FBXO28: variants seen among roughly 807,000 people sequenced by gnomAD.
FBXO28 encodes F-box protein 28.
A neutral mutation model predicts 38.1 loss-of-function variants in FBXO28; 8 were observed. The ratio of observed to expected loss-of-function variants is 0.21; its 90% CI spans 0.12 to 0.38. The LOEUF (loss-of-function observed/expected upper bound fraction) is 0.38. Among genes scored for constraint, FBXO28 ranks in the 10% least tolerant of loss-of-function variants. FBXO28 has a pLI of 1.00. For missense variants in FBXO28, 345 were observed against 460.6 expected, an observed-to-expected ratio of 0.75 and a Z score of 2.30; for synonymous variants, 168 against 173.8, an observed-to-expected ratio of 0.97 and a Z score of 0.26.
intron 1 of FBXO28, among the ~76,000 whole-genome samples, chr1:224,116,137 G>T (rs1656638897): frequency 6.6e-6 from 1 of 152,124 alleles, no homozygotes. Flanking sequence ...AAAAGATTCT[G>T]CCCCGTTTTA....
At chr1:224,115,963 A>T (rs2102605921) in intron 1 of FBXO28, among the ~76,000 whole-genome samples, 1 of 152,322 alleles carries the variant, frequency 6.6e-6, no homozygotes, top group East Asian at 1.9e-4. Flanking sequence ...TAGAGTTAAA[A>T]CACATCCCAC....
chr1:224,144,153 CAAAA>C (rs34850766), intron 3 of FBXO28, among the ~76,000 whole-genome samples: 1 of 137,018 alleles, frequency 7.3e-6, no homozygotes, highest in Non-Finnish European at 1.5e-5. Context: ...AACTATGTCT[CAAAA>C]AAAAAAAAAA....
At chr1:224,153,002 C>A in intron 3 of FBXO28, 140 bp from the exon 4 acceptor site, 1 of 504,310 alleles carries the variant, frequency 2.0e-6, no homozygotes, top group East Asian at 3.9e-5. Flanking sequence ...CAATATTCAT[C>A]AGTGGCCAGT....
intron 1 of FBXO28, among the ~76,000 whole-genome samples, chr1:224,118,351 C>T (rs771372826): frequency 1.3e-4 from 19 of 151,960 alleles, no homozygotes; most frequent in African/African-American, 2.7e-4. Flanking sequence ...TTTTACCTGC[C>T]CTACAGGAGG....
chr1:224,135,496 C>T (rs994952343), intron 3 of FBXO28, among the ~76,000 whole-genome samples: 1 of 150,990 alleles, frequency 6.6e-6, no homozygotes, highest in Non-Finnish European at 1.5e-5. Flanking sequence ...CCTCTAATCC[C>T]AGATACTTGC....
intron 3 of FBXO28, 149 bp downstream of exon 3, chr1:224,134,361 AAT>A (rs1363266301): frequency 3.4e-6 from 2 of 587,204 alleles, no homozygotes; most frequent in Non-Finnish European, 5.6e-6. Context: ...TACAGTTATA[AAT>A]ATGTATCATT....
chr1:224,143,398 G>A (rs910409839), intron 3 of FBXO28, among the ~76,000 whole-genome samples: 13 of 152,192 alleles, frequency 8.5e-5, no homozygotes, highest in Admixed American at 3.3e-4. Flanking sequence ...GTCCCAGTCT[G>A]AGTGAGTGTG....
intron 3 of FBXO28, among the ~76,000 whole-genome samples, chr1:224,136,110 T>TTTTTTG (rs1572014936): frequency 1.5e-5 from 2 of 130,534 alleles, no homozygotes; most frequent in African/African-American, 5.8e-5. Context: ...AGTTTTTTTT[T>TTTTTTG]TTTTTTTTTT....
Position 224,139,764 on chromosome 1 carries a change from G to GCATGCATGCATACATACATACATA in FBXO28, c.516+5555_516+5556insGCATGCATACATACATACATACAT, listed in dbSNP as rs1386239166. On this transcript the variant is annotated intron_variant, in intron 3 of 4. Coordinates refer to ENST00000366862, the MANE Select transcript of FBXO28 (RefSeq NM_015176.4). ...GAAATAAATACATACATGCATGCAT[G>GCATGCATGCATACATACATACATA]CATACATACATACATACATACATAC... Among the ~76,000 whole-genome samples, 242 of 146,044 alleles carry GCATGCATGCATACATACATACATA rather than the reference G, an allele frequency of 1.7e-3. 3 individuals are homozygous for GCATGCATGCATACATACATACATA. Among genetic ancestry groups the GCATGCATGCATACATACATACATA allele is most frequent in the African/African-American group, 3.0e-3 (116 of 38,756 alleles).
chr1:224,144,040 A>C (rs1299142977), intron 3 of FBXO28, among the ~76,000 whole-genome samples: 1 of 151,290 alleles, frequency 6.6e-6, no homozygotes, highest in East Asian at 1.9e-4. Context: ...AATCCCAGCT[A>C]CTCGGGAGGT....
intron 3 of FBXO28, among the ~76,000 whole-genome samples, chr1:224,150,660 C>T (rs1327090537): frequency 6.6e-6 from 1 of 152,090 alleles, no homozygotes; most frequent in Non-Finnish European, 1.5e-5. Flanking sequence ...ACCTTGGGGC[C>T]ACTATCATTA....
chr1:224,141,486 A>C (rs1429081174), intron 3 of FBXO28, among the ~76,000 whole-genome samples: 3 of 147,202 alleles, frequency 2.0e-5, no homozygotes, highest in Non-Finnish European at 4.5e-5. Flanking sequence ...AAAAAAAAAA[A>C]GATGCAATCA....
In FBXO28 at chr1:224,157,407, T is replaced by G. The variant is rs115866173; in HGVS notation, c.768T>G (p.Pro256=). The G allele has an allele frequency of 3.6e-4, 587 of 1,614,162 alleles. 2 individuals are homozygous for G. The African/African-American group carries it at 7.1e-3, about 20-fold the overall frequency. The change falls in exon 5 of 5, where the codon CCT becomes CCG. Residue 256 remains proline, a synonymous_variant. Transcript: ENST00000366862. The stretch of plus-strand genomic sequence containing the variant: ...TGCAGCTCTTCTCCAAGCAAAATCC[T>G]TCAAGACAAGAGGTTACCAAACTCC... ...TTMQLFSKQN[P]SRQEVTKLQQ...
At chr1:224,141,618 A>G (rs533950670) in intron 3 of FBXO28, among the ~76,000 whole-genome samples, 46 of 152,316 alleles carry the variant, frequency 3.0e-4, no homozygotes, top group African/African-American at 1.0e-3. Context: ...CATAGGCTAT[A>G]TGGTATAGTC....
chr1:224,118,236 C>T (rs1351153939), intron 1 of FBXO28, among the ~76,000 whole-genome samples: 1 of 151,614 alleles, frequency 6.6e-6, no homozygotes, highest in Non-Finnish European at 1.5e-5. Flanking sequence ...CAGACGTGAG[C>T]CACTGCACAG....
At chr1:224,137,512 ACT>A (rs926606605) in intron 3 of FBXO28, among the ~76,000 whole-genome samples, 13 of 151,556 alleles carry the variant, frequency 8.6e-5, no homozygotes, top group African/African-American at 2.7e-4. Flanking sequence ...ACAGAGCGAG[ACT>A]CTGTCTCAGC....
chr1:224,138,463 A>G (rs1657250197), intron 3 of FBXO28, among the ~76,000 whole-genome samples: 1 of 151,910 alleles, frequency 6.6e-6, no homozygotes, highest in East Asian at 1.9e-4. Flanking sequence ...AAATAGGGGT[A>G]TAGTTGGCCA....
intron 4 of FBXO28, 72 bp downstream of exon 4, chr1:224,153,409 T>A: frequency 1.8e-6 from 2 of 1,136,762 alleles, no homozygotes; most frequent in Non-Finnish European, 2.5e-6. Context: ...ACTTAACCAG[T>A]GTCTTGAACT....
In FBXO28 at chr1:224,159,619, A is replaced by G. The variant is rs1340598075; in HGVS notation, c.*1873A>G. On this transcript the variant is annotated 3_prime_UTR_variant, in exon 5 of 5. Coordinates refer to ENST00000366862, the MANE Select transcript of FBXO28 (RefSeq NM_015176.4). Reference sequence around the variant, plus strand: ...CTCAGCACTTCTCATTTTTATAATCATAGTATTTAGCCATATTAGCATATC... The same window carrying G: ...CTCAGCACTTCTCATTTTTATAATCGTAGTATTTAGCCATATTAGCATATC... 1 of 152,458 alleles carries G rather than the reference A, an allele frequency of 6.6e-6. No individual in the cohort carries two copies. The highest frequency in any genetic ancestry group is 2.4e-5 in the African/African-American group (1 of 41,440). The allele number at this position is 152,458 out of a possible 1,614,324, so 9.4% of individuals were successfully genotyped here.
Sources: allele counts gnomAD v4.1 joint callset (sites outside exome capture counted in the v4.1 genomes callset), GRCh38; gene constraint gnomAD v4.1.1; transcripts MANE v1.5; gene names NCBI Gene and HGNC (gene_info 2026-07-23, HGNC 2026-07-21).